Variants in LRRC4C observed in about 807,000 individuals in gnomAD.
LRRC4C encodes leucine rich repeat containing 4C.
LRRC4C carries 5 observed loss-of-function variants against 33.6 expected under a neutral mutation model. The ratio of observed to expected loss-of-function variants is 0.15; its 90% confidence interval spans 0.08 to 0.31. The LOEUF is 0.31. Among genes scored for constraint, LRRC4C ranks in the 10% least tolerant of loss-of-function variants. The pLI, the probability that LRRC4C is intolerant of heterozygous loss-of-function variation, is 1.00. For missense variants in LRRC4C, 560 were observed against 796.7 expected, an observed-to-expected ratio of 0.70 and a Z score of 3.58; for synonymous variants, 329 against 302.0, an observed-to-expected ratio of 1.09 and a Z score of -0.93.
intron 3 of LRRC4C, among the ~76,000 whole-genome samples, chr11:40,573,793 A>T (rs1261026161): frequency 6.6e-6 from 1 of 152,314 alleles, no homozygotes; most frequent in South Asian, 2.1e-4. Context: ...TGTGACTTGG[A>T]CAAGATAGAT....
chr11:40,151,890 A>G (rs758145732), intron 5 of LRRC4C, among the ~76,000 whole-genome samples: 1 of 152,176 alleles, frequency 6.6e-6, no homozygotes, highest in Non-Finnish European at 1.5e-5. Context: ...TTTAAAGTAA[A>G]CTAAATTTTT....
chr11:40,549,535 T>C (rs887345112), intron 3 of LRRC4C, among the ~76,000 whole-genome samples: 1 of 152,136 alleles, frequency 6.6e-6, no homozygotes, highest in South Asian at 2.1e-4. Context: ...CAAGTATAAA[T>C]GTACAAAAAA....
At chr11:40,437,928 G>T (rs1250684095) in intron 3 of LRRC4C, among the ~76,000 whole-genome samples, 4 of 152,140 alleles carry the variant, frequency 2.6e-5, no homozygotes, top group Non-Finnish European at 4.4e-5. Flanking sequence ...GGATGGTCTC[G>T]ATCTCTTGAC....
chr11:40,258,190 T>G (rs1331659580), intron 4 of LRRC4C, among the ~76,000 whole-genome samples: 1 of 151,988 alleles, frequency 6.6e-6, no homozygotes, highest in East Asian at 1.9e-4. Flanking sequence ...TTTATAGGAA[T>G]GTGCTCAACT....
chr11:40,920,269 T>C (rs948151857), intron 2 of LRRC4C, among the ~76,000 whole-genome samples: 1 of 152,186 alleles, frequency 6.6e-6, no homozygotes, highest in Admixed American at 6.6e-5. Flanking sequence ...TTATCCAGGT[T>C]AATTAACTCC....
At chr11:41,047,475 TA>T (rs1365195511) in intron 1 of LRRC4C, among the ~76,000 whole-genome samples, 1 of 152,174 alleles carries the variant, frequency 6.6e-6, no homozygotes, top group Non-Finnish European at 1.5e-5. Flanking sequence ...TGGAATTAGA[TA>T]ATGGTGATAG....
At chr11:41,375,125 C>G (rs1267089075) in intron 1 of LRRC4C, among the ~76,000 whole-genome samples, 1 of 151,816 alleles carries the variant, frequency 6.6e-6, no homozygotes, top group Non-Finnish European at 1.5e-5. Flanking sequence ...GAGACCCTGT[C>G]TCAAAATAAA....
intron 1 of LRRC4C, among the ~76,000 whole-genome samples, chr11:41,192,315 G>T (rs2136216823): frequency 7.8e-6 from 1 of 127,502 alleles, no homozygotes; most frequent in South Asian, 3.0e-4. Context: ...CATACAGCAT[G>T]AATTAAATGT....
intron 3 of LRRC4C, among the ~76,000 whole-genome samples, chr11:40,407,597 G>A (rs1160194210): frequency 6.6e-6 from 1 of 152,072 alleles, no homozygotes; most frequent in Non-Finnish European, 1.5e-5. Flanking sequence ...GGCAAAGAAA[G>A]GCTGGGCTAA....
At chr11:41,330,783 A>C (rs1419620550) in intron 1 of LRRC4C, among the ~76,000 whole-genome samples, 1 of 151,938 alleles carries the variant, frequency 6.6e-6, no homozygotes, top group Admixed American at 6.6e-5. Flanking sequence ...AATACATATT[A>C]ATATATACTT....
chr11:40,454,717 T>C (rs939171594), intron 3 of LRRC4C, among the ~76,000 whole-genome samples: 7 of 152,222 alleles, frequency 4.6e-5, no homozygotes, highest in South Asian at 4.1e-4. Context: ...TACCCCTGCA[T>C]TGGGGCTCAA....
chr11:40,469,656 G>T (rs1371751001), intron 3 of LRRC4C, among the ~76,000 whole-genome samples: 37 of 152,286 alleles, frequency 2.4e-4, no homozygotes, highest in Middle Eastern at 3.4e-3. Flanking sequence ...TGCCAGGACA[G>T]CAGTCTGAAG....
chr11:41,230,185 A>G (rs1947721454), intron 1 of LRRC4C, among the ~76,000 whole-genome samples: 1 of 152,030 alleles, frequency 6.6e-6, no homozygotes, highest in Admixed American at 6.6e-5. Flanking sequence ...GTTTCAAGTA[A>G]CTCATTTTTG....
At chr11:40,302,564 G>A (rs1185713562) in intron 4 of LRRC4C, among the ~76,000 whole-genome samples, 1 of 151,940 alleles carries the variant, frequency 6.6e-6, no homozygotes, top group Non-Finnish European at 1.5e-5. Context: ...AATAGCCCAA[G>A]GCCTGAACCT....
intron 2 of LRRC4C, among the ~76,000 whole-genome samples, chr11:40,706,370 T>C (rs1370881233): frequency 6.6e-6 from 1 of 152,212 alleles, no homozygotes; most frequent in East Asian, 1.9e-4. Flanking sequence ...TTAATCCATC[T>C]TGAATTAATT....
chr11:41,172,379 G>A (rs1945014298), intron 1 of LRRC4C, among the ~76,000 whole-genome samples: 1 of 152,144 alleles, frequency 6.6e-6, no homozygotes, highest in Non-Finnish European at 1.5e-5. Flanking sequence ...TGCTTTTGAA[G>A]AAGTTGCTAA....
At chr11:41,232,466 G>T (rs919257801) in intron 1 of LRRC4C, among the ~76,000 whole-genome samples, 2 of 151,906 alleles carry the variant, frequency 1.3e-5, no homozygotes, top group South Asian at 4.2e-4. Flanking sequence ...CCTGGGTAAG[G>T]GTGGGGATTC....
intron 5 of LRRC4C, among the ~76,000 whole-genome samples, chr11:40,184,861 C>T (rs1335573004): frequency 1.3e-5 from 2 of 152,156 alleles, no homozygotes; most frequent in African/African-American, 2.4e-5. Context: ...CCCCATTTTC[C>T]ACCTCTTAGG....
At chr11:40,611,056 C>A (rs1961167416) in intron 3 of LRRC4C, among the ~76,000 whole-genome samples, 1 of 151,614 alleles carries the variant, frequency 6.6e-6, no homozygotes. Flanking sequence ...ACAAAGGATC[C>A]CAAATAGCCA....
Sources: gnomAD v4.1 joint callset for allele counts (sites outside exome capture counted in the v4.1 genomes callset) on GRCh38, gnomAD v4.1.1 for gene constraint, MANE v1.5 for transcripts, NCBI Gene and HGNC (gene_info 2026-07-23, HGNC 2026-07-21) for gene names.